PTGFR: variants seen among roughly 807,000 people sequenced by gnomAD.
PTGFR encodes the protein prostaglandin F2-alpha receptor.
Under a neutral mutation model 26.2 loss-of-function variants are expected in PTGFR, and 15 were observed. The observed-to-expected ratio is 0.57, with a 90% CI of 0.38 to 0.88. PTGFR has a LOEUF of 0.88. PTGFR is among the 40% of genes least tolerant of loss of function. The pLI is 0.00. For missense variants in PTGFR, 369 were observed against 427.2 expected (o/e 0.86, Z 1.20); for synonymous variants, 165 against 151.1 (o/e 1.09, Z -0.68).
At chr1:78,491,851 G>A (rs1649409405) in intron 1 of PTGFR, among the ~76,000 whole-genome samples, 1 of 152,190 alleles carries the variant, frequency 6.6e-6, no homozygotes, top group African/African-American at 2.4e-5. Context: ...AGAGAAGAGT[G>A]GCCGTGGCCT....
chr1:78,494,751 G>A lies in PTGFR; in HGVS notation c.798+1210G>A, dbSNP rs560896572. On this transcript the variant is annotated intron_variant, in intron 2 of 2. Transcript: ENST00000370757. ...CTCCTGAGTAGCTGGGATTACAGGCGTGTGGCACCAAACCCGGCTAATTTT... is the reference window on the plus strand; with the variant it reads ...CTCCTGAGTAGCTGGGATTACAGGCATGTGGCACCAAACCCGGCTAATTTT... Among the ~76,000 whole-genome samples the A allele has an allele frequency of 3.3e-5, 5 of 152,254 alleles. No homozygotes were observed. In the South Asian group the frequency reaches 1.0e-3, roughly 32 times the overall value.
At chr1:78,514,480 C>G (rs78571918) in intron 2 of PTGFR, among the ~76,000 whole-genome samples, 6,396 of 152,154 alleles carry the variant, frequency 0.042, 423 homozygotes, top group East Asian at 0.34. Context: ...TGTCTGTATA[C>G]CCTTGTATCT....
Position 78,494,889 on chromosome 1 carries a change from T to C in PTGFR, c.798+1348T>C, listed in dbSNP as rs540115131. ...AAAGTGCTGGGATTACAGGCGTGAG[T>C]CGCCACGCCCGGCCCACTAGTGCAG... On this transcript the variant is annotated intron_variant, in intron 2 of 2. Coordinates refer to ENST00000370757, the MANE Select transcript of PTGFR (RefSeq NM_000959.4). 2.6e-5 allele frequency among the ~76,000 whole-genome samples: 4 copies of C among 152,176 alleles called. No individual in the cohort carries two copies. The South Asian group carries it at 8.3e-4, about 32-fold the overall frequency.
intron 2 of PTGFR, among the ~76,000 whole-genome samples, chr1:78,522,439 G>C (rs1650266333): frequency 6.6e-6 from 1 of 151,888 alleles, no homozygotes; most frequent in Non-Finnish European, 1.5e-5. Flanking sequence ...ATATTAAAGG[G>C]GTCATTTTTG....
intron 2 of PTGFR, among the ~76,000 whole-genome samples, chr1:78,499,837 A>G (rs563217141): frequency 6.6e-6 from 1 of 152,272 alleles, no homozygotes; most frequent in Admixed American, 6.5e-5. Flanking sequence ...TGTTATTCCA[A>G]ATGGTGCTTG....
chr1:78,509,825 T>C (rs1649922701), intron 2 of PTGFR, among the ~76,000 whole-genome samples: 1 of 152,340 alleles, frequency 6.6e-6, no homozygotes, highest in Non-Finnish European at 1.5e-5. Context: ...ATCATTGATT[T>C]AGCAAGCTAT....
At chr1:78,516,006 A>G (rs1374089711) in intron 2 of PTGFR, among the ~76,000 whole-genome samples, 1 of 152,220 alleles carries the variant, frequency 6.6e-6, no homozygotes, top group African/African-American at 2.4e-5. Flanking sequence ...TCTTGTAAAA[A>G]GAGTCAAGTT....
intron 2 of PTGFR, among the ~76,000 whole-genome samples, chr1:78,499,564 C>T (rs1197404895): frequency 6.6e-6 from 1 of 152,186 alleles, no homozygotes; most frequent in African/African-American, 2.4e-5. Flanking sequence ...GAGGTCAGGA[C>T]CTGGTTGATA....
In PTGFR at chr1:78,536,568, CA is replaced by C. The variant is rs1459670546; in HGVS notation, c.963del (p.Gln321HisfsTer22). 1 of 1,613,292 alleles carries C rather than the reference CA, an allele frequency of 6.2e-7. No individual in the cohort carries two copies. Among genetic ancestry groups the C allele is most frequent in the Middle Eastern group, 1.6e-4 (1 of 6,080 alleles). Reference sequence around the variant, plus strand: ...TAAGAATCTCTATAAGCTTGCCAGTCAATGCTGTGGAGTGCATGTCATCAGC... The same window carrying C: ...TAAGAATCTCTATAAGCTTGCCAGTCATGCTGTGGAGTGCATGTCATCAGC... The part of the protein sequence containing the change: ...VLKNLYKLAS[Q>X]CCGVHVISLH... On this transcript the variant is annotated frameshift_variant, in exon 3 of 3. Coordinates refer to ENST00000370757, the MANE Select transcript of PTGFR (RefSeq NM_000959.4). LOFTEE classifies it high-confidence loss of function.
At chr1:78,500,327 T>C (rs1307548162) in intron 2 of PTGFR, among the ~76,000 whole-genome samples, 1 of 152,204 alleles carries the variant, frequency 6.6e-6, no homozygotes, top group African/African-American at 2.4e-5. Context: ...CTCAAAAAAA[T>C]CCGACAGACC....
At chr1:78,518,901 A>C (rs566890522) in intron 2 of PTGFR, among the ~76,000 whole-genome samples, 3 of 152,082 alleles carry the variant, frequency 2.0e-5, no homozygotes, top group Non-Finnish European at 4.4e-5. Context: ...GAGACAGAGC[A>C]CCGTAGCTAA....
intron 2 of PTGFR, among the ~76,000 whole-genome samples, chr1:78,502,109 AAT>A (rs750835039): frequency 6.6e-6 from 1 of 152,190 alleles, no homozygotes; most frequent in East Asian, 1.9e-4. Flanking sequence ...CCAAGTTTCA[AAT>A]TATAGGTCCT....
chr1:78,520,447 A>C (rs1650195967), intron 2 of PTGFR, among the ~76,000 whole-genome samples: 1 of 152,076 alleles, frequency 6.6e-6, no homozygotes, highest in Non-Finnish European at 1.5e-5. Flanking sequence ...GCTTAATGGA[A>C]AAAACAAGAT....
chr1:78,514,996 AC>A (rs1170164497), intron 2 of PTGFR, among the ~76,000 whole-genome samples: 14 of 152,122 alleles, frequency 9.2e-5, no homozygotes, highest in Admixed American at 2.0e-4. Flanking sequence ...AGCCTGCAAA[AC>A]GGTGAGCCAA....
chr1:78,507,511 T>A (rs934115794), intron 2 of PTGFR, among the ~76,000 whole-genome samples: 20 of 152,208 alleles, frequency 1.3e-4, no homozygotes, highest in African/African-American at 4.6e-4. Flanking sequence ...ATTTTTGATA[T>A]TTTTGGAAGT....
At chr1:78,532,364 T>TTATATATATATATATATATATATA (rs200848855) in intron 2 of PTGFR, 5 of 85,214 alleles carry the variant, frequency 5.9e-5, no homozygotes, top group African/African-American at 1.8e-4. Flanking sequence ...GTAAATTCAT[T>TTATATATATATATATATATATATA]TATATATATA....
intron 2 of PTGFR, among the ~76,000 whole-genome samples, chr1:78,525,689 G>A (rs568071151): frequency 1.8e-4 from 28 of 152,152 alleles, no homozygotes; most frequent in Middle Eastern, 3.4e-3. Context: ...CTAATCACAT[G>A]GTTGGTCTTT....
chr1:78,497,800 G>T, intron 2 of PTGFR: 3 of 1,009,714 alleles, frequency 3.0e-6, no homozygotes, highest in Non-Finnish European at 4.6e-6. Context: ...ATCACCAACG[G>T]TAGACTTAGG....
At chr1:78,498,057 C>A in intron 2 of PTGFR, 2 of 817,858 alleles carry the variant, frequency 2.4e-6, no homozygotes, top group Non-Finnish European at 1.9e-6. Flanking sequence ...ATTGTTTGGT[C>A]ACTAAGGTGT....
Sources: gnomAD v4.1 joint callset for allele counts (sites outside exome capture counted in the v4.1 genomes callset) on GRCh38, gnomAD v4.1.1 for gene constraint, MANE v1.5 for transcripts, NCBI Gene and HGNC (gene_info 2026-07-23, HGNC 2026-07-21) for gene names.